TTC29: variants seen among roughly 807,000 people sequenced by gnomAD.
TTC29 encodes the protein tetratricopeptide repeat protein 29.
In TTC29, 49 loss-of-function variants were observed where a neutral mutation model predicts 58.1. The ratio of observed to expected loss-of-function variants is 0.84; its 90% CI spans 0.67 to 1.07. The LOEUF (loss-of-function observed/expected upper bound fraction) is 1.07, where lower values mean the gene tolerates loss of function less well. Among genes scored for constraint, TTC29 ranks in the 50% least tolerant of loss-of-function variants. TTC29 has a pLI of 0.00. For missense variants in TTC29, 582 were observed against 555.6 expected (o/e 1.05, Z -0.48); for synonymous variants, 209 against 196.8 (o/e 1.06, Z -0.52).
At chr4:146,738,417 A>G (rs1744880140) in intron 11 of TTC29, among the ~76,000 whole-genome samples, 1 of 152,180 alleles carries the variant, frequency 6.6e-6, no homozygotes, top group South Asian at 2.1e-4. Context: ...GGCTGACAAG[A>G]TTAAAAGGAA....
At chr4:146,905,244 G>A (rs1269022891) in intron 5 of TTC29, among the ~76,000 whole-genome samples, 1 of 151,492 alleles carries the variant, frequency 6.6e-6, no homozygotes, top group African/African-American at 2.4e-5. Flanking sequence ...TCATATTCTT[G>A]GTTATATTTA....
At chr4:146,718,687 T>C (rs1579514671) in intron 11 of TTC29, among the ~76,000 whole-genome samples, 1 of 152,306 alleles carries the variant, frequency 6.6e-6, no homozygotes, top group Middle Eastern at 3.4e-3. Flanking sequence ...GTTTTCTTTT[T>C]TTGTGCAGAA....
chr4:146,903,367 G>A (rs1167453342), intron 6 of TTC29, among the ~76,000 whole-genome samples, 177 bp downstream of exon 6: 2 of 152,044 alleles, frequency 1.3e-5, no homozygotes, highest in Non-Finnish European at 2.9e-5. Context: ...AAAATATTCT[G>A]CAAGGAATAC....
intron 4 of TTC29, among the ~76,000 whole-genome samples, chr4:146,913,623 A>G (rs1026796493): frequency 7.9e-5 from 12 of 152,104 alleles, no homozygotes; most frequent in African/African-American, 2.7e-4. Flanking sequence ...TGCTCAATCA[A>G]TCTGGAAGAA....
intron 6 of TTC29, among the ~76,000 whole-genome samples, chr4:146,880,128 T>A (rs904691119): frequency 3.3e-5 from 5 of 152,130 alleles, no homozygotes; most frequent in African/African-American, 1.2e-4. Context: ...AGGCTGGGGA[T>A]TGCCCTCCAC....
chr4:146,824,281 T>A (rs1231403605), intron 9 of TTC29, among the ~76,000 whole-genome samples: 1 of 152,254 alleles, frequency 6.6e-6, no homozygotes, highest in Non-Finnish European at 1.5e-5. Flanking sequence ...GTTCCATCAA[T>A]ACCCAGTTTA....
intron 11 of TTC29, among the ~76,000 whole-genome samples, chr4:146,782,382 G>A (rs1052437931): frequency 3.3e-5 from 5 of 151,674 alleles, no homozygotes. Flanking sequence ...ATGGATTATT[G>A]AAATGTATTA....
intron 11 of TTC29, among the ~76,000 whole-genome samples, chr4:146,736,944 G>T (rs1744750481): frequency 2.6e-5 from 4 of 152,162 alleles, no homozygotes; most frequent in Admixed American, 2.6e-4. Flanking sequence ...GACACTTAGT[G>T]CACTATGAAC....
At chr4:146,881,924 A>G (rs985877890) in intron 6 of TTC29, among the ~76,000 whole-genome samples, 7 of 152,130 alleles carry the variant, frequency 4.6e-5, no homozygotes, top group Non-Finnish European at 8.8e-5. Context: ...TAGATGAAAT[A>G]TAAGATGCTA....
chr4:146,928,012 G>A (rs1735054051), intron 4 of TTC29, among the ~76,000 whole-genome samples: 2 of 152,166 alleles, frequency 1.3e-5, no homozygotes, highest in Non-Finnish European at 2.9e-5. Flanking sequence ...TGGCAATACA[G>A]TGCTATAAGT....
intron 8 of TTC29, among the ~76,000 whole-genome samples, chr4:146,856,773 T>C (rs1231743566): frequency 6.6e-6 from 1 of 151,240 alleles, no homozygotes; most frequent in Non-Finnish European, 1.5e-5. Flanking sequence ...TACTCCTTAT[T>C]GATGAGGAAA....
At position 146,808,634 on chromosome 4, in the gene TTC29, C is replaced by T. The variant is rs535419674; in HGVS notation, c.1102-4949G>A. On this transcript the variant is annotated intron_variant, in intron 10 of 12. Coordinates refer to ENST00000325106, the MANE Select transcript of TTC29 (RefSeq NM_031956.4). ...CAAATCATGAGTGAACTCCCATTCACAATTGCTACAAAGAGAATAAAATAC... is the reference window on the plus strand; with the variant it reads ...CAAATCATGAGTGAACTCCCATTCATAATTGCTACAAAGAGAATAAAATAC... 6.2e-4 allele frequency among the ~76,000 whole-genome samples: 94 copies of T among 152,274 alleles called. No homozygotes were observed. The Middle Eastern group carries it at 0.014, about 22-fold the overall frequency.
chr4:146,744,979 G>T, intron 11 of TTC29, among the ~76,000 whole-genome samples: 1 of 152,270 alleles, frequency 6.6e-6, no homozygotes, highest in African/African-American at 2.4e-5. Context: ...AAATGGAGAA[G>T]AATCCCTGTC....
chr4:146,907,930 A>T (rs949742235), intron 5 of TTC29, among the ~76,000 whole-genome samples: 1 of 152,144 alleles, frequency 6.6e-6, no homozygotes. Flanking sequence ...AACCCTTTTC[A>T]TAATATACAT....
chr4:146,825,942 A>T (rs58252256), intron 9 of TTC29, among the ~76,000 whole-genome samples: 43,074 of 139,108 alleles, frequency 0.31, 6,429 homozygotes, highest in African/African-American at 0.4. Context: ...TTTTTTTTTA[A>T]AAAAATTTCC....
intron 11 of TTC29, among the ~76,000 whole-genome samples, chr4:146,756,289 A>T (rs1746446316): frequency 6.9e-6 from 1 of 145,688 alleles, no homozygotes; most frequent in Admixed American, 7.0e-5. Context: ...AAAAAAAAAA[A>T]TCTGTAGTCA....
intron 9 of TTC29, among the ~76,000 whole-genome samples, chr4:146,827,494 A>C (rs191635300): frequency 9.5e-4 from 145 of 152,310 alleles, no homozygotes; most frequent in African/African-American, 3.3e-3. Context: ...TCACAGGTAA[A>C]CAGTGATATG....
chr4:146,707,465 T>A lies in TTC29; in HGVS notation c.1397+20A>T. 6.3e-7 allele frequency: 1 copy of A among 1,595,170 alleles called. No homozygotes were observed. Among genetic ancestry groups the A allele is most frequent in the Non-Finnish European group, 8.6e-7 (1 of 1,166,048 alleles). ...GCAAAGTGGGTACTTAATAGAAACT[T>A]TTTACTTGATTTATCATACCTACTG... On this transcript the variant is annotated intron_variant, in intron 12 of 12. Transcript: ENST00000325106.
intron 5 of TTC29, 39 bp from the exon 6 acceptor site, chr4:146,903,768 G>A: frequency 7.0e-7 from 1 of 1,436,918 alleles, no homozygotes; most frequent in Non-Finnish European, 9.3e-7. Flanking sequence ...GCATTAGAAA[G>A]ATGTCTCATG....
Sources: allele counts gnomAD v4.1 joint callset (sites outside exome capture counted in the v4.1 genomes callset), GRCh38; gene constraint gnomAD v4.1.1; transcripts MANE v1.5; gene names NCBI Gene and HGNC (gene_info 2026-07-23, HGNC 2026-07-21).